Variants in DSCAML1 observed in about 807,000 individuals in gnomAD.
The protein encoded by DSCAML1 is cell adhesion molecule DSCAML1.
A neutral mutation model predicts 200.5 loss-of-function variants in DSCAML1; 38 were observed. The observed-to-expected ratio is 0.19, with a 90% CI of 0.15 to 0.25. DSCAML1 has a LOEUF of 0.25. DSCAML1 is among the 10% of genes least tolerant of loss of function. The pLI is 1.00. For missense variants in DSCAML1, 2,223 were observed against 2,858.8 expected (o/e 0.78, Z 5.07); for synonymous variants, 1,215 against 1,165.0 (o/e 1.04, Z -0.87).
At chr11:117,710,929 G>A (rs1177287082) in intron 3 of DSCAML1, among the ~76,000 whole-genome samples, 1 of 152,128 alleles carries the variant, frequency 6.6e-6, no homozygotes, top group Non-Finnish European at 1.5e-5. Flanking sequence ...AATTAGAGTT[G>A]GATCACTTCA....
chr11:117,768,521 C>T (rs2054939745), intron 3 of DSCAML1, among the ~76,000 whole-genome samples: 1 of 152,050 alleles, frequency 6.6e-6, no homozygotes, highest in Non-Finnish European at 1.5e-5. Context: ...AGTAATGATG[C>T]CAGATGATGG....
intron 5 of DSCAML1, among the ~76,000 whole-genome samples, chr11:117,522,157 G>C: frequency 6.6e-6 from 1 of 152,218 alleles, no homozygotes; most frequent in South Asian, 2.1e-4. Flanking sequence ...GCCTCACCTA[G>C]AGCATTCTGT....
At chr11:117,449,428 G>T (rs2048241735) in intron 20 of DSCAML1, among the ~76,000 whole-genome samples, 1 of 152,130 alleles carries the variant, frequency 6.6e-6, no homozygotes, top group African/African-American at 2.4e-5. Flanking sequence ...TCACTGGCGG[G>T]GAGCTGGGCC....
chr11:117,651,086 G>A (rs1487788570), intron 3 of DSCAML1, among the ~76,000 whole-genome samples: 1 of 152,252 alleles, frequency 6.6e-6, no homozygotes, highest in Non-Finnish European at 1.5e-5. Context: ...ACATGGACAT[G>A]GCCTGATTTG....
rs369220086 is a variant in DSCAML1, at chr11:117,642,855, T to C, written c.512-110333A>G. Among the ~76,000 whole-genome samples the C allele has an allele frequency of 3.9e-5, 6 of 152,170 alleles. No individual in the cohort carries two copies. Among genetic ancestry groups the C allele is most frequent in the Admixed American group, 1.3e-4 (2 of 15,278 alleles). On this transcript the variant is annotated intron_variant, in intron 3 of 32. Coordinates refer to ENST00000651296, the MANE Select transcript of DSCAML1 (RefSeq NM_020693.4). This position sits in a 1 kb window ranked among gnomAD's most constrained non-coding sequence, Gnocchi z 4.1. ...CTGGCCCACACTGCCAAAGCTGTCT[T>C]GTGTTCAGGCAGCTTGGGAGATATT...
intron 29 of DSCAML1, 25 bp from the exon 30 acceptor site, chr11:117,432,529 G>A: frequency 6.2e-7 from 1 of 1,606,772 alleles, no homozygotes; most frequent in East Asian, 2.2e-5. Flanking sequence ...ACAATTACTG[G>A]GAGTCCTTTA....
At chr11:117,583,226 C>T (rs975677401) in intron 3 of DSCAML1, among the ~76,000 whole-genome samples, 3 of 151,964 alleles carry the variant, frequency 2.0e-5, no homozygotes, top group African/African-American at 7.3e-5. Flanking sequence ...AGTGCAGCTT[C>T]CCTTACCAGC....
At chr11:117,519,969 C>T (rs1442582872) in intron 6 of DSCAML1, among the ~76,000 whole-genome samples, 2 of 152,220 alleles carry the variant, frequency 1.3e-5, no homozygotes, top group Non-Finnish European at 2.9e-5. Flanking sequence ...GATCCCATAC[C>T]TGTGGGGCTT....
At chr11:117,644,159 G>A (rs1163980269) in intron 3 of DSCAML1, among the ~76,000 whole-genome samples, 1 of 152,176 alleles carries the variant, frequency 6.6e-6, no homozygotes, top group Non-Finnish European at 1.5e-5. Context: ...TGACTCGGGC[G>A]CTTCCTCTCT....
At chr11:117,669,588 A>G (rs1383629642) in intron 3 of DSCAML1, among the ~76,000 whole-genome samples, 1 of 152,244 alleles carries the variant, frequency 6.6e-6, no homozygotes, top group East Asian at 1.9e-4. Flanking sequence ...CAATGTAGTT[A>G]GGAAGACCAG....
chr11:117,621,620 CA>C, intron 3 of DSCAML1, among the ~76,000 whole-genome samples: 1 of 152,270 alleles, frequency 6.6e-6, no homozygotes, highest in South Asian at 2.1e-4. Flanking sequence ...TGGACTCTAA[CA>C]TTCCAAGAAT....
intron 3 of DSCAML1, among the ~76,000 whole-genome samples, chr11:117,725,906 C>A (rs147250636): frequency 2.8e-3 from 434 of 152,346 alleles, no homozygotes; most frequent in African/African-American, 9.8e-3. Flanking sequence ...CATTCCCCAC[C>A]TGTTCCAGTT....
At position 117,532,446 on chromosome 11, in the gene DSCAML1, A is replaced by C. The variant is rs761128983; in HGVS notation, c.588T>G (p.Tyr196Ter). The C allele has an allele frequency of 6.2e-7, 1 of 1,614,080 alleles. No individual in the cohort carries two copies. Among genetic ancestry groups the C allele is most frequent in the Non-Finnish European group, 8.5e-7 (1 of 1,180,002 alleles). ...DVQKEDALSTYRCITKHKYSG... is the reference protein window; with the variant it reads ...DVQKEDALST ...TATACTTGTGCTTGGTGATGCAGCG[A>C]TAGGTGGAGAGGGCGTCCTCCTTCT... Residue 196 changes from tyrosine to a stop codon, truncating the protein, a stop_gained, in exon 4 of 33, where the codon TAT becomes TAG. Coordinates refer to ENST00000651296, the MANE Select transcript of DSCAML1 (RefSeq NM_020693.4). LOFTEE classifies it high-confidence loss of function.
chr11:117,769,256 TA>T (rs1565273598), intron 3 of DSCAML1, among the ~76,000 whole-genome samples: 3 of 7,670 alleles, frequency 3.9e-4, no homozygotes, highest in Non-Finnish European at 1.2e-3. Flanking sequence ...ATGTATATAT[TA>T]TATATTTTAT....
At chr11:117,592,653 T>C (rs1489085924) in intron 3 of DSCAML1, among the ~76,000 whole-genome samples, 1 of 152,196 alleles carries the variant, frequency 6.6e-6, no homozygotes, top group Non-Finnish European at 1.5e-5. Context: ...CTGGGCAATG[T>C]TCTAAGCGAT....
chr11:117,760,450 T>C (rs1318847255), intron 3 of DSCAML1, among the ~76,000 whole-genome samples: 1 of 152,266 alleles, frequency 6.6e-6, no homozygotes, highest in Non-Finnish European at 1.5e-5. Context: ...TTTTGCATGT[T>C]TTCAAACTTT....
chr11:117,804,190 G>C (rs577817646), intron 1 of DSCAML1, among the ~76,000 whole-genome samples: 1 of 152,254 alleles, frequency 6.6e-6, no homozygotes, highest in Non-Finnish European at 1.5e-5. Flanking sequence ...TTGGGACAGT[G>C]AGGCTGAACA....
At chr11:117,449,265 C>T (rs950553622) in intron 20 of DSCAML1, among the ~76,000 whole-genome samples, 17 of 152,056 alleles carry the variant, frequency 1.1e-4, no homozygotes, top group Admixed American at 2.6e-4. Flanking sequence ...CTGTTCTGTG[C>T]TCTGGGCGCT....
chr11:117,603,389 T>C (rs2051503543), intron 3 of DSCAML1, among the ~76,000 whole-genome samples: 1 of 152,232 alleles, frequency 6.6e-6, no homozygotes, highest in African/African-American at 2.4e-5. Flanking sequence ...CGAAGAGCTC[T>C]GGGTCAGGCT....
Sources: gnomAD v4.1 joint callset for allele counts (sites outside exome capture counted in the v4.1 genomes callset) on GRCh38, gnomAD v4.1.1 for gene constraint, Gnocchi (gnomAD v3.1) non-coding constraint, MANE v1.5 for transcripts, NCBI Gene and HGNC (gene_info 2026-07-23, HGNC 2026-07-21) for gene names.